Variants in IQCJ observed in about 807,000 individuals in gnomAD.
IQCJ encodes IQ domain-containing protein J.
IQCJ carries 9 observed loss-of-function variants against 11.0 expected under a neutral mutation model. The observed-to-expected ratio is 0.82, with a 90% CI of 0.49 to 1.43. The LOEUF is 1.43. Among genes scored for constraint, IQCJ ranks in the 40% most tolerant of loss-of-function variants. The probability of loss-of-function intolerance (pLI) is 0.00; values close to 1 mark genes in which losing one functional copy is unlikely to be tolerated. For missense variants in IQCJ, 146 were observed against 133.2 expected (o/e 1.10, Z -0.47); for synonymous variants, 55 against 51.3 (o/e 1.07, Z -0.31).
intron 1 of IQCJ, among the ~76,000 whole-genome samples, chr3:159,214,545 T>C (rs2108100547): frequency 6.6e-6 from 1 of 152,350 alleles, no homozygotes; most frequent in South Asian, 2.1e-4. Flanking sequence ...TAGCATAGGC[T>C]TTAGATCCCT....
At chr3:159,150,298 G>T (rs534896100) in intron 1 of IQCJ, among the ~76,000 whole-genome samples, 96 of 152,258 alleles carry the variant, frequency 6.3e-4, no homozygotes, top group African/African-American at 2.3e-3. Flanking sequence ...AGCAACTGAA[G>T]CTCACCCTGC....
At chr3:159,241,156 T>C (rs983322803) in intron 1 of IQCJ, among the ~76,000 whole-genome samples, 12 of 151,958 alleles carry the variant, frequency 7.9e-5, no homozygotes, top group African/African-American at 2.9e-4. Flanking sequence ...ATGCTTGTAA[T>C]CCCAGCACTT....
intron 1 of IQCJ, among the ~76,000 whole-genome samples, chr3:159,076,529 C>A (rs1715928277): frequency 6.6e-6 from 1 of 152,040 alleles, no homozygotes; most frequent in African/African-American, 2.4e-5. Flanking sequence ...AATATTATGA[C>A]AACTAGTTCC....
At chr3:159,069,558 C>T in intron 1 of IQCJ, 117 bp downstream of exon 1, 1 of 1,416,502 alleles carries the variant, frequency 7.1e-7, no homozygotes, top group South Asian at 1.5e-5. Flanking sequence ...TCAAAAAGAG[C>T]TTATAGAACA....
At chr3:159,148,205 C>T (rs1721019880) in intron 1 of IQCJ, among the ~76,000 whole-genome samples, 1 of 152,204 alleles carries the variant, frequency 6.6e-6, no homozygotes, top group Admixed American at 6.5e-5. Flanking sequence ...TTTAACTAAT[C>T]GTGTTTTCCT....
chr3:159,206,890 GTTTAGA>G (rs1382943621), intron 1 of IQCJ, among the ~76,000 whole-genome samples: 5 of 152,300 alleles, frequency 3.3e-5, no homozygotes, highest in African/African-American at 4.8e-5. Flanking sequence ...AAATTTTCTA[GTTTAGA>G]TCTTTCAAGT....
At chr3:159,189,328 G>A (rs1273354622) in intron 1 of IQCJ, among the ~76,000 whole-genome samples, 2 of 152,176 alleles carry the variant, frequency 1.3e-5, no homozygotes, top group African/African-American at 2.4e-5. Flanking sequence ...GGGACAAGGG[G>A]ACAAGGATTG....
At chr3:159,138,493 T>G (rs1458137323) in intron 1 of IQCJ, among the ~76,000 whole-genome samples, 1 of 152,236 alleles carries the variant, frequency 6.6e-6, no homozygotes, top group African/African-American at 2.4e-5. Flanking sequence ...AGATCACAAT[T>G]CTGTGCTTTA....
chr3:159,250,575 C>T (rs532495725), intron 2 of IQCJ, among the ~76,000 whole-genome samples: 66 of 152,260 alleles, frequency 4.3e-4, no homozygotes, highest in Admixed American at 6.5e-4. Context: ...CTTGCAATCT[C>T]GGCAGAAGGC....
At chr3:159,162,987 C>T (rs1313453962) in intron 1 of IQCJ, among the ~76,000 whole-genome samples, 3 of 152,234 alleles carry the variant, frequency 2.0e-5, no homozygotes, top group South Asian at 4.1e-4. Context: ...CGAATTCTAC[C>T]AGAGGTACAA....
chr3:159,262,242 GT>G (rs1293886572), intron 3 of IQCJ, among the ~76,000 whole-genome samples: 1 of 152,214 alleles, frequency 6.6e-6, no homozygotes, highest in East Asian at 1.9e-4. Flanking sequence ...ATAAATCAAA[GT>G]ACATTTACCT....
At chr3:159,190,841 G>A (rs1577069890) in intron 1 of IQCJ, among the ~76,000 whole-genome samples, 1 of 152,156 alleles carries the variant, frequency 6.6e-6, no homozygotes, top group East Asian at 1.9e-4. Flanking sequence ...AGATATTTAG[G>A]TTAAGTTCTT....
chr3:159,116,387 G>A (rs1329710124), intron 1 of IQCJ, among the ~76,000 whole-genome samples: 1 of 151,964 alleles, frequency 6.6e-6, no homozygotes, highest in Non-Finnish European at 1.5e-5. Context: ...CTCCAACACT[G>A]TCTCTTTTTA....
chr3:159,179,576 AT>A (rs1429844829), intron 1 of IQCJ, among the ~76,000 whole-genome samples: 1 of 151,536 alleles, frequency 6.6e-6, no homozygotes, highest in Non-Finnish European at 1.5e-5. Flanking sequence ...TATGTCTCAT[AT>A]TTTTTCTTCT....
At chr3:159,196,293 T>C (rs1723979127) in intron 1 of IQCJ, among the ~76,000 whole-genome samples, 1 of 152,234 alleles carries the variant, frequency 6.6e-6, no homozygotes, top group African/African-American at 2.4e-5. Context: ...AAAAGGACTT[T>C]GTTAGAATTT....
At chr3:159,157,383 A>G (rs151016499) in intron 1 of IQCJ, among the ~76,000 whole-genome samples, 10 of 152,248 alleles carry the variant, frequency 6.6e-5, no homozygotes, top group African/African-American at 1.9e-4. Context: ...TCTTCCCTCC[A>G]TATCATTTTT....
At chr3:159,182,968 T>C (rs1560016780) in intron 1 of IQCJ, among the ~76,000 whole-genome samples, 1 of 152,070 alleles carries the variant, frequency 6.6e-6, no homozygotes. Flanking sequence ...CATAAGACAA[T>C]ATGAGGGGTG....
chr3:159,074,795 AATT>A (rs1715808703), intron 1 of IQCJ, among the ~76,000 whole-genome samples: 1 of 152,116 alleles, frequency 6.6e-6, no homozygotes, highest in Non-Finnish European at 1.5e-5. Flanking sequence ...TTGAGTAACG[AATT>A]ATTATTATAT....
chr3:159,121,426 G>A (rs1188672245), intron 1 of IQCJ, among the ~76,000 whole-genome samples: 3 of 152,178 alleles, frequency 2.0e-5, no homozygotes, highest in East Asian at 1.9e-4. Flanking sequence ...GAGCCGCTGC[G>A]CCCAGCTTAA....
Sources: gnomAD v4.1 joint callset for allele counts (sites outside exome capture counted in the v4.1 genomes callset) on GRCh38, gnomAD v4.1.1 for gene constraint, MANE v1.5 for transcripts, NCBI Gene and HGNC (gene_info 2026-07-23, HGNC 2026-07-21) for gene names.